The following IQGAP2 variants were observed in gnomAD, a reference collection of about 807,000 sequenced individuals.
IQGAP2 encodes the protein ras GTPase-activating-like protein IQGAP2.
Under a neutral mutation model 201.3 loss-of-function variants are expected in IQGAP2, and 173 were observed. That is an observed-to-expected ratio of 0.86 (90% CI 0.76 to 0.98). The LOEUF (loss-of-function observed/expected upper bound fraction) is 0.98, where lower values mean the gene tolerates loss of function less well. IQGAP2 is among the 50% of genes least tolerant of loss of function. IQGAP2 has a pLI of 0.00. For missense variants in IQGAP2, 1,687 were observed against 1,864.8 expected (o/e 0.90, Z 1.76); for synonymous variants, 675 against 673.9 (o/e 1.00, Z -0.03).
chr5:76,434,837 T>C (rs1044674928), intron 1 of IQGAP2, among the ~76,000 whole-genome samples: 6 of 151,196 alleles, frequency 4.0e-5, no homozygotes, highest in Non-Finnish European at 8.8e-5. Flanking sequence ...GTATAAGCAT[T>C]CCCTTTTCAC....
intron 2 of IQGAP2, among the ~76,000 whole-genome samples, chr5:76,527,072 G>T (rs942678675): frequency 6.6e-6 from 1 of 152,132 alleles, no homozygotes; most frequent in Non-Finnish European, 1.5e-5. Flanking sequence ...GGGTTTCCTT[G>T]TCCCTTGGGT....
chr5:76,409,654 A>G (rs1750999989), intron 1 of IQGAP2, among the ~76,000 whole-genome samples: 1 of 152,210 alleles, frequency 6.6e-6, no homozygotes, highest in African/African-American at 2.4e-5. Flanking sequence ...AGGCTTTTCC[A>G]TAATAATATA....
chr5:76,656,839 T>G (rs1178311516), intron 20 of IQGAP2, among the ~76,000 whole-genome samples: 1 of 152,176 alleles, frequency 6.6e-6, no homozygotes, highest in East Asian at 1.9e-4. Flanking sequence ...ACATAAATTT[T>G]CATTTCTTTC....
chr5:76,534,023 G>A (rs1329036773), intron 2 of IQGAP2, among the ~76,000 whole-genome samples: 1 of 152,164 alleles, frequency 6.6e-6, no homozygotes, highest in African/African-American at 2.4e-5. Context: ...GCTTAAAAAG[G>A]CCATCCTTCT....
intron 30 of IQGAP2, among the ~76,000 whole-genome samples, chr5:76,689,230 TAAAAAAAAAAAA>T (rs11424254): frequency 9.2e-5 from 8 of 86,492 alleles, no homozygotes; most frequent in Admixed American, 3.0e-4. Context: ...CAGGGATATT[TAAAAAAAAAAAA>T]AAAAAAAAAA....
chr5:76,475,011 T>C (rs1755329859), intron 2 of IQGAP2, among the ~76,000 whole-genome samples: 1 of 152,150 alleles, frequency 6.6e-6, no homozygotes, highest in South Asian at 2.1e-4. Context: ...CGCGTCCGGC[T>C]GAGGTCTGCC....
chr5:76,414,101 T>A (rs1308718540), intron 1 of IQGAP2, among the ~76,000 whole-genome samples: 1 of 152,200 alleles, frequency 6.6e-6, no homozygotes, highest in Non-Finnish European at 1.5e-5. Context: ...ACGTGCCCAC[T>A]TTTTAAAAAA....
At chr5:76,615,600 C>T (rs899350679) in intron 13 of IQGAP2, 27 of 152,076 alleles carry the variant, frequency 1.8e-4, no homozygotes, top group Admixed American at 1.5e-3. Flanking sequence ...TTTCCTCAGC[C>T]CCATTTATAT....
intron 12 of IQGAP2, among the ~76,000 whole-genome samples, chr5:76,609,741 TC>T (rs1032491118): frequency 6.6e-6 from 1 of 151,976 alleles, no homozygotes; most frequent in African/African-American, 2.4e-5. Flanking sequence ...AGCTTATTGT[TC>T]ATTAATATCT....
At chr5:76,617,848 G>A (rs764407143) in intron 13 of IQGAP2, 27 of 1,613,820 alleles carry the variant, frequency 1.7e-5, no homozygotes, top group South Asian at 1.4e-4. Context: ...TTAAGTGTCC[G>A]GATGATGGCT....
chr5:76,571,938 T>C (rs1218400690), intron 4 of IQGAP2, among the ~76,000 whole-genome samples: 1 of 152,168 alleles, frequency 6.6e-6, no homozygotes, highest in East Asian at 1.9e-4. Context: ...TCTGTGCAGT[T>C]TTATCCCATG....
At chr5:76,620,864 T>C (rs1017301814) in intron 13 of IQGAP2, among the ~76,000 whole-genome samples, 28 of 152,224 alleles carry the variant, frequency 1.8e-4, no homozygotes, top group African/African-American at 5.8e-4. Context: ...CTATCAATAT[T>C]TGGTGTTACT....
chr5:76,634,518 C>A (rs939924773), intron 15 of IQGAP2, among the ~76,000 whole-genome samples: 2 of 152,150 alleles, frequency 1.3e-5, no homozygotes, highest in African/African-American at 4.8e-5. Context: ...CCTCGGCCTC[C>A]CAAAGTGCTG....
At chr5:76,490,009 T>A (rs1185009690) in intron 2 of IQGAP2, among the ~76,000 whole-genome samples, 1 of 152,222 alleles carries the variant, frequency 6.6e-6, no homozygotes, top group African/African-American at 2.4e-5. Context: ...TGAAGAGAGT[T>A]CTGTTGGCAG....
intron 2 of IQGAP2, among the ~76,000 whole-genome samples, chr5:76,509,624 G>A (rs1561426431): frequency 6.6e-6 from 1 of 152,046 alleles, no homozygotes; most frequent in Non-Finnish European, 1.5e-5. Flanking sequence ...TCAATCTCTT[G>A]ACCTCGTGAT....
rs1459096361 is a variant in IQGAP2, at chr5:76,438,434, G to A, written c.47-23136G>A. 4.2e-5 allele frequency among the ~76,000 whole-genome samples: 5 copies of A among 118,942 alleles called. No individual in the cohort carries two copies. In the South Asian group the frequency reaches 1.7e-3, roughly 40 times the overall value. The allele number at this position is 118,942 out of a possible 152,430, so 78.0% of individuals were successfully genotyped here. Reference sequence around the variant, plus strand: ...ATTTCTGTGGTGTTGGTTGTTATGGGCTTCATTTTCATTTTTTTCTTTTTT... The same window carrying A: ...ATTTCTGTGGTGTTGGTTGTTATGGACTTCATTTTCATTTTTTTCTTTTTT... On this transcript the variant is annotated intron_variant, in intron 1 of 35. Coordinates refer to ENST00000274364, the MANE Select transcript of IQGAP2 (RefSeq NM_006633.5).
intron 1 of IQGAP2, among the ~76,000 whole-genome samples, chr5:76,428,995 CTTG>C (rs1752175978): frequency 6.7e-6 from 1 of 149,840 alleles, no homozygotes; most frequent in African/African-American, 2.5e-5. Context: ...AGGAGAATTG[CTTG>C]AACCTGGGAG....
At chr5:76,487,160 A>G (rs1415327860) in intron 2 of IQGAP2, among the ~76,000 whole-genome samples, 13 of 149,258 alleles carry the variant, frequency 8.7e-5, no homozygotes, top group African/African-American at 2.7e-4. Flanking sequence ...GTGCAGTGGC[A>G]CAATCTCAGC....
At position 76,665,099 on chromosome 5, in the gene IQGAP2, A is replaced by G. The variant is rs201059481; in HGVS notation, c.2603A>G (p.Asn868Ser). The part of the protein sequence containing the change: ...GEMEILNNTD[N>S]QGIKSLSKER... ...ATGGAAATACTGAATAACACCGACA[A>G]CCAAGGAATAAAAAGTTTGAGTAAG... The change falls in exon 22 of 36, where the codon AAC becomes AGC. Residue 868 changes from asparagine (N) to serine (S), a missense_variant. Coordinates refer to ENST00000274364, the MANE Select transcript of IQGAP2 (RefSeq NM_006633.5). The G allele has an allele frequency of 4.3e-5, 69 of 1,608,648 alleles. No individual in the cohort carries two copies. The Admixed American group carries it at 1.0e-3, about 24-fold the overall frequency.
Sources: allele counts gnomAD v4.1 joint callset (sites outside exome capture counted in the v4.1 genomes callset), GRCh38; gene constraint gnomAD v4.1.1; transcripts MANE v1.5; gene names NCBI Gene and HGNC (gene_info 2026-07-23, HGNC 2026-07-21).